Variants in SETBP1 observed in about 807,000 individuals in gnomAD.
The protein encoded by SETBP1 is SET-binding protein.
SETBP1 carries 9 observed loss-of-function variants against 101.0 expected under a neutral mutation model. The observed-to-expected ratio is 0.09, with a 90% CI of 0.05 to 0.16. The LOEUF is 0.16. SETBP1 is among the 10% of genes least tolerant of loss of function. SETBP1 has a pLI of 1.00. For missense variants in SETBP1, 1,858 were observed against 2,033.8 expected, an observed-to-expected ratio of 0.91 and a Z score of 1.66; for synonymous variants, 818 against 788.5, an observed-to-expected ratio of 1.04 and a Z score of -0.63.
intron 3 of SETBP1, among the ~76,000 whole-genome samples, chr18:44,943,054 A>G (rs527911331): frequency 6.6e-6 from 1 of 152,314 alleles, no homozygotes; most frequent in Admixed American, 6.5e-5. Context: ...AGATCATGGT[A>G]CTAAAAAGAT....
chr18:44,894,182 C>A (rs1051365365), intron 3 of SETBP1, among the ~76,000 whole-genome samples: 9 of 152,170 alleles, frequency 5.9e-5, no homozygotes, highest in African/African-American at 2.2e-4. Flanking sequence ...CAGGTCACTT[C>A]CCCTCTCTCC....
At chr18:44,745,342 G>A (rs574847300) in intron 2 of SETBP1, among the ~76,000 whole-genome samples, 4 of 152,148 alleles carry the variant, frequency 2.6e-5, no homozygotes, top group Non-Finnish European at 5.9e-5. Context: ...CTGAGCTGAG[G>A]TAGGGAGCAG....
chr18:44,932,662 ACTTCT>A (rs2070864697), intron 3 of SETBP1, among the ~76,000 whole-genome samples: 1 of 151,434 alleles, frequency 6.6e-6, no homozygotes, highest in African/African-American at 2.4e-5. Flanking sequence ...TTTTCTCTAA[ACTTCT>A]CTTCTCGCTT....
At chr18:44,793,263 C>T (rs1452259024) in intron 2 of SETBP1, among the ~76,000 whole-genome samples, 1 of 152,170 alleles carries the variant, frequency 6.6e-6, no homozygotes, top group Non-Finnish European at 1.5e-5. Context: ...GTGTTCTAAA[C>T]CTTTGCTGCA....
At chr18:44,815,364 T>G (rs563252121) in intron 2 of SETBP1, among the ~76,000 whole-genome samples, 1 of 152,198 alleles carries the variant, frequency 6.6e-6, no homozygotes, top group Non-Finnish European at 1.5e-5. Flanking sequence ...AAAGCGTGAG[T>G]TGGATTTGAA....
rs569233674 is a variant in SETBP1, at chr18:44,885,040, T to C, written c.540+15757T>C. Among the ~76,000 whole-genome samples, 4 of 152,312 alleles carry C rather than the reference T, an allele frequency of 2.6e-5. No homozygotes were observed. The South Asian group carries it at 8.3e-4, about 32-fold the overall frequency. On this transcript the variant is annotated intron_variant, in intron 3 of 5. Transcript: ENST00000649279. ...AATACAGTCTTTAGATTTTATTTTA[T>C]ATGAACACACATAAAAAGATGGGAC...
chr18:44,751,544 G>T (rs1193202557), intron 2 of SETBP1, among the ~76,000 whole-genome samples: 2 of 151,618 alleles, frequency 1.3e-5, no homozygotes, highest in African/African-American at 4.8e-5. Flanking sequence ...ATAGTTATTT[G>T]CAGGTTTTAT....
rs1048054697 is a variant in SETBP1 at position 45,063,845 on chromosome 18, G to T, written c.*147G>T. On this transcript the variant is annotated 3_prime_UTR_variant, in exon 6 of 6. Transcript: ENST00000649279. ...GCAGGCAGAATCCGGCCAGACGACG[G>T]GGCTGAGCCATCAGGAGCTCTTGGG... 1 of 858,650 alleles carries T rather than the reference G, an allele frequency of 1.2e-6. No individual in the cohort carries two copies. The highest frequency in any genetic ancestry group is 1.7e-5 in the African/African-American group (1 of 57,362). The allele number at this position is 858,650 out of a possible 1,614,324, so 53.2% of individuals were successfully genotyped here.
At chr18:44,796,826 C>T (rs1278472192) in intron 2 of SETBP1, among the ~76,000 whole-genome samples, 1 of 152,178 alleles carries the variant, frequency 6.6e-6, no homozygotes, top group Non-Finnish European at 1.5e-5. Context: ...CACACGCGCA[C>T]ACACATGCAT....
At chr18:44,889,102 T>C (rs1022121518) in intron 3 of SETBP1, among the ~76,000 whole-genome samples, 1 of 152,136 alleles carries the variant, frequency 6.6e-6, no homozygotes, top group African/African-American at 2.4e-5. Flanking sequence ...CCTATTTTTG[T>C]AGAGTCAGTC....
intron 2 of SETBP1, among the ~76,000 whole-genome samples, chr18:44,755,596 G>C (rs1310107009): frequency 6.6e-6 from 1 of 152,006 alleles, no homozygotes; most frequent in Non-Finnish European, 1.5e-5. Flanking sequence ...CTTCAGGCTA[G>C]GGGATGCACT....
intron 4 of SETBP1, among the ~76,000 whole-genome samples, chr18:45,037,895 C>A (rs1354087752): frequency 1.3e-5 from 2 of 152,168 alleles, no homozygotes; most frequent in African/African-American, 4.8e-5. Context: ...CCCACCCATG[C>A]CTTAGCCTAT....
At chr18:44,993,585 C>T (rs2072427725) in intron 4 of SETBP1, among the ~76,000 whole-genome samples, 1 of 151,894 alleles carries the variant, frequency 6.6e-6, no homozygotes, top group Non-Finnish European at 1.5e-5. Context: ...TATAGGATTT[C>T]ATTTTTAAAA....
chr18:45,054,526 T>C (rs1047957796), intron 5 of SETBP1, among the ~76,000 whole-genome samples: 14 of 151,944 alleles, frequency 9.2e-5, no homozygotes, highest in Non-Finnish European at 1.9e-4. Flanking sequence ...CTCCAGAAAA[T>C]CCCCCAGACT....
chr18:44,697,949 A>G (rs1218439744), intron 1 of SETBP1, among the ~76,000 whole-genome samples: 1 of 152,238 alleles, frequency 6.6e-6, no homozygotes, highest in African/African-American at 2.4e-5. Context: ...GAGGAAGTGG[A>G]TATAAGAACA....
intron 2 of SETBP1, among the ~76,000 whole-genome samples, chr18:44,751,168 T>C (rs2070372940): frequency 6.6e-6 from 1 of 152,122 alleles, no homozygotes; most frequent in South Asian, 2.1e-4. Context: ...GTGAAAAGGG[T>C]AGGCAAGGGA....
chr18:44,955,963 C>G (rs2071471930), intron 4 of SETBP1, among the ~76,000 whole-genome samples: 1 of 152,166 alleles, frequency 6.6e-6, no homozygotes, highest in African/African-American at 2.4e-5. Context: ...TGAATATCAG[C>G]CTGGAGACAC....
intron 4 of SETBP1, chr18:44,988,002 TCTC>T (rs2072277287): frequency 1.3e-5 from 2 of 152,318 alleles, no homozygotes; most frequent in South Asian, 4.1e-4. Context: ...TTGTTGATAT[TCTC>T]CTAAGATAAG....
At chr18:45,021,844 A>G (rs1468484390) in intron 4 of SETBP1, among the ~76,000 whole-genome samples, 1 of 147,882 alleles carries the variant, frequency 6.8e-6, no homozygotes, top group Non-Finnish European at 1.5e-5. Context: ...GTGTCTTCTG[A>G]GCAAAAAACA....
Sources: allele counts gnomAD v4.1 joint callset (sites outside exome capture counted in the v4.1 genomes callset), GRCh38; gene constraint gnomAD v4.1.1; transcripts MANE v1.5; gene names NCBI Gene and HGNC (gene_info 2026-07-23, HGNC 2026-07-21).